The following GALNT13 variants were observed in gnomAD, a reference collection of about 807,000 sequenced individuals.
GALNT13 encodes the protein UDP-GalNAc:polypeptide N-acetylgalactosaminyltransferase 13.
In GALNT13, 28 loss-of-function variants were observed where a neutral mutation model predicts 64.2. That is an observed-to-expected ratio of 0.44 (90% CI 0.32 to 0.60). The LOEUF (loss-of-function observed/expected upper bound fraction) is 0.60, where lower values mean the gene tolerates loss of function less well. Ranked by LOEUF, GALNT13 falls within the 20% of genes least tolerant of loss-of-function variation. The pLI, the probability that GALNT13 is intolerant of heterozygous loss-of-function variation, is 0.05. For missense variants in GALNT13, 577 were observed against 669.8 expected (o/e 0.86, Z 1.53); for synonymous variants, 214 against 224.6 (o/e 0.95, Z 0.42).
intron 3 of GALNT13, among the ~76,000 whole-genome samples, chr2:153,988,727 CTTGGTG>C (rs1184592067): frequency 3.3e-5 from 5 of 151,810 alleles, no homozygotes; most frequent in Non-Finnish European, 7.4e-5. Context: ...TATCTAAACC[CTTGGTG>C]AAAATTTAAG....
chr2:153,750,866 G>A, the GALNT13 span, among the ~76,000 whole-genome samples: 63 of 151,442 alleles, frequency 4.2e-4, 1 homozygote, highest in Admixed American at 1.3e-4. Flanking sequence ...GGTTTGGTTT[G>A]CTCTTGCTTT....
chr2:154,268,507 C>A (rs1455643600), intron 8 of GALNT13, among the ~76,000 whole-genome samples: 1 of 152,018 alleles, frequency 6.6e-6, no homozygotes, highest in African/African-American at 2.4e-5. Flanking sequence ...TGGTGACAGC[C>A]TCACAAGTTT....
At chr2:153,958,032 C>T (rs908007108) in intron 3 of GALNT13, among the ~76,000 whole-genome samples, 23 of 152,160 alleles carry the variant, frequency 1.5e-4, no homozygotes, top group African/African-American at 4.8e-4. Flanking sequence ...CCCTCACTTC[C>T]GTTAGGTATC....
the GALNT13 span, among the ~76,000 whole-genome samples, chr2:153,841,224 A>G: frequency 2.0e-5 from 3 of 152,164 alleles, no homozygotes; most frequent in Admixed American, 6.6e-5. Context: ...TTTGAACTTC[A>G]TGTTATTCCT....
chr2:153,350,384 C>CTTT, the GALNT13 span, among the ~76,000 whole-genome samples: 1,652 of 129,926 alleles, frequency 0.013, 57 homozygotes, highest in East Asian at 0.075. Flanking sequence ...TTCTTTCTTT[C>CTTT]TTTTTTTTTT....
chr2:153,077,005 G>A, the GALNT13 span, among the ~76,000 whole-genome samples: 2 of 151,636 alleles, frequency 1.3e-5, no homozygotes, highest in East Asian at 1.9e-4. Flanking sequence ...AGGCTGTAGT[G>A]CAGTGGCATG....
intron 4 of GALNT13, among the ~76,000 whole-genome samples, chr2:154,193,993 T>A (rs1033698557): frequency 3.9e-5 from 6 of 152,146 alleles, no homozygotes; most frequent in African/African-American, 1.4e-4. Flanking sequence ...CCAGTTATTA[T>A]TACCATCGTA....
At chr2:153,678,045 A>G in the GALNT13 span, among the ~76,000 whole-genome samples, 3 of 143,484 alleles carry the variant, frequency 2.1e-5, no homozygotes, top group Admixed American at 7.5e-5. Flanking sequence ...TAATTAAGCT[A>G]AAGATATTCT....
chr2:153,401,124 T>C, the GALNT13 span, among the ~76,000 whole-genome samples: 30 of 152,186 alleles, frequency 2.0e-4, no homozygotes, highest in Non-Finnish European at 3.2e-4. Flanking sequence ...TGGTATGTTG[T>C]GTCTTTGTTC....
At chr2:153,977,157 C>T (rs1355257815) in intron 3 of GALNT13, among the ~76,000 whole-genome samples, 1 of 152,060 alleles carries the variant, frequency 6.6e-6, no homozygotes, top group Non-Finnish European at 1.5e-5. Context: ...TTAAATAAAC[C>T]TTTCCATCAA....
chr2:153,885,678 A>G (rs1687123944), intron 1 of GALNT13, among the ~76,000 whole-genome samples: 1 of 152,086 alleles, frequency 6.6e-6, no homozygotes, highest in African/African-American at 2.4e-5. Flanking sequence ...TTGCAAATTT[A>G]CAGAAGAATT....
chr2:153,418,286 CT>C, the GALNT13 span, among the ~76,000 whole-genome samples: 13 of 152,250 alleles, frequency 8.5e-5, no homozygotes, highest in Middle Eastern at 3.4e-3. Context: ...AAATTCCCCC[CT>C]AGCACCTCCA....
chr2:153,734,734 G>A, the GALNT13 span, among the ~76,000 whole-genome samples: 10 of 152,168 alleles, frequency 6.6e-5, no homozygotes, highest in Admixed American at 1.3e-4. Flanking sequence ...CTAGATGCAA[G>A]TGTATCCTGT....
the GALNT13 span, among the ~76,000 whole-genome samples, chr2:153,600,309 A>AT: frequency 1.7e-4 from 25 of 150,404 alleles, no homozygotes; most frequent in Non-Finnish European, 1.3e-4. Context: ...ATGCAATTTT[A>AT]TTTTTTTTTC....
the GALNT13 span, among the ~76,000 whole-genome samples, chr2:153,787,568 C>G: frequency 1.3e-5 from 2 of 152,178 alleles, no homozygotes; most frequent in African/African-American, 4.8e-5. Context: ...TGCACTAGTT[C>G]TCCAACAAGC....
At chr2:153,432,278 C>T in the GALNT13 span, among the ~76,000 whole-genome samples, 16 of 152,094 alleles carry the variant, frequency 1.1e-4, no homozygotes, top group Non-Finnish European at 1.9e-4. Flanking sequence ...AACAACAACT[C>T]CAGGGCTCCC....
the GALNT13 span, among the ~76,000 whole-genome samples, chr2:153,346,014 G>A: frequency 2.6e-5 from 4 of 151,922 alleles, no homozygotes; most frequent in East Asian, 3.9e-4. Context: ...TTGCTCTGTC[G>A]CCCAGGCTGG....
the GALNT13 span, among the ~76,000 whole-genome samples, chr2:153,788,246 C>T: frequency 6.6e-6 from 1 of 152,212 alleles, no homozygotes; most frequent in Non-Finnish European, 1.5e-5. Context: ...GCATACCTCT[C>T]AGCAGAAACC....
chr2:153,141,221 G>A, the GALNT13 span, among the ~76,000 whole-genome samples: 1 of 151,360 alleles, frequency 6.6e-6, no homozygotes, highest in African/African-American at 2.4e-5. Context: ...TTTTTAAATT[G>A]CTGAATAATA....
Sources: allele counts gnomAD v4.1 joint callset (sites outside exome capture counted in the v4.1 genomes callset), GRCh38; gene constraint gnomAD v4.1.1; transcripts MANE v1.5; gene names NCBI Gene and HGNC (gene_info 2026-07-23, HGNC 2026-07-21).